Variants in BMP6 observed in about 807,000 individuals in gnomAD.
BMP6 encodes bone morphogenetic protein 6.
A neutral mutation model predicts 54.1 loss-of-function variants in BMP6; 17 were observed. That is an observed-to-expected ratio of 0.31 (90% CI 0.22 to 0.47). The LOEUF is 0.47. Ranked by LOEUF, BMP6 falls within the 20% of genes least tolerant of loss-of-function variation. The probability of loss-of-function intolerance (pLI) is 1.00; values close to 1 mark genes in which losing one functional copy is unlikely to be tolerated. For missense variants in BMP6, 720 were observed against 690.4 expected, an observed-to-expected ratio of 1.04 and a Z score of -0.48; for synonymous variants, 328 against 291.2, an observed-to-expected ratio of 1.13 and a Z score of -1.28.
chr6:7,785,477 G>C (rs1239844916), intron 1 of BMP6, among the ~76,000 whole-genome samples: 1 of 152,320 alleles, frequency 6.6e-6, no homozygotes, highest in East Asian at 1.9e-4. Flanking sequence ...TGTCAAGCCT[G>C]TCATTTTGAG....
intron 1 of BMP6, among the ~76,000 whole-genome samples, chr6:7,806,547 G>A (rs979458294): frequency 6.6e-6 from 1 of 151,646 alleles, no homozygotes; most frequent in Non-Finnish European, 1.5e-5. Context: ...TGGTTTCTCT[G>A]ATTCTAGGAA....
intron 1 of BMP6, among the ~76,000 whole-genome samples, chr6:7,775,521 T>C (rs1757850359): frequency 6.6e-6 from 1 of 152,226 alleles, no homozygotes; most frequent in African/African-American, 2.4e-5. Flanking sequence ...ACATCCCTGT[T>C]TATTGTAATG....
intron 1 of BMP6, among the ~76,000 whole-genome samples, chr6:7,745,973 AAAAG>A (rs1437736184): frequency 6.9e-6 from 1 of 145,376 alleles, no homozygotes; most frequent in East Asian, 2.2e-4. Flanking sequence ...TCTCAAGAAA[AAAAG>A]AGAGAGAGAG....
At chr6:7,787,191 A>T (rs796884413) in intron 1 of BMP6, among the ~76,000 whole-genome samples, 11 of 152,308 alleles carry the variant, frequency 7.2e-5, no homozygotes, top group African/African-American at 2.6e-4. Flanking sequence ...CTAAGTGTTG[A>T]TCGGCTCTTG....
chr6:7,811,720 C>T (rs970808542), intron 1 of BMP6, among the ~76,000 whole-genome samples: 4 of 152,154 alleles, frequency 2.6e-5, no homozygotes, highest in South Asian at 2.1e-4. Context: ...TCTTCATTGT[C>T]GCTCTAACAT....
intron 1 of BMP6, among the ~76,000 whole-genome samples, chr6:7,763,603 T>C (rs1581237143): frequency 6.6e-6 from 1 of 152,156 alleles, no homozygotes; most frequent in Non-Finnish European, 1.5e-5. Context: ...GGTTTGTGGG[T>C]GTTGACATTC....
intron 1 of BMP6, among the ~76,000 whole-genome samples, chr6:7,733,966 G>T (rs1761915568): frequency 7.3e-6 from 1 of 137,210 alleles, no homozygotes; most frequent in East Asian, 1.9e-4. Context: ...CATTCCCCCT[G>T]TTCACCTTTT....
intron 1 of BMP6, among the ~76,000 whole-genome samples, chr6:7,796,361 G>A (rs1377692751): frequency 2.0e-5 from 3 of 152,248 alleles, no homozygotes; most frequent in East Asian, 1.9e-4. Flanking sequence ...TGCCACCCTC[G>A]TGGCCAAGAT....
At chr6:7,777,831 T>C (rs1467917426) in intron 1 of BMP6, among the ~76,000 whole-genome samples, 1 of 151,944 alleles carries the variant, frequency 6.6e-6, no homozygotes, top group African/African-American at 2.4e-5. Flanking sequence ...GTTGCTGGCT[T>C]GGGCGGCAGT....
intron 1 of BMP6, among the ~76,000 whole-genome samples, chr6:7,742,635 G>A (rs956957530): frequency 5.3e-5 from 8 of 152,130 alleles, no homozygotes; most frequent in African/African-American, 1.7e-4. Context: ...TTCGTTGCCC[G>A]AAACAGATGT....
chr6:7,774,040 A>C (rs945857376), intron 1 of BMP6, among the ~76,000 whole-genome samples: 1 of 152,126 alleles, frequency 6.6e-6, no homozygotes, highest in African/African-American at 2.4e-5. Flanking sequence ...CTGCCGGAGG[A>C]GGTATAGTCC....
chr6:7,804,983 C>T lies in BMP6; in HGVS notation c.665-40157C>T, dbSNP rs138970722. On this transcript the variant is annotated intron_variant, in intron 1 of 6. Transcript: ENST00000283147. The stretch of plus-strand genomic sequence containing the variant: ...AACCTGATGCTTGTAAACTCCCTCT[C>T]AGGTCACACCAGAGGGACGAAATCA... 2.4e-3 allele frequency among the ~76,000 whole-genome samples: 364 copies of T among 152,282 alleles called. 2 individuals are homozygous for T. The highest frequency in any genetic ancestry group is 8.4e-3 in the African/African-American group (349 of 41,552).
At chr6:7,833,300 T>G (rs1198923753) in intron 1 of BMP6, among the ~76,000 whole-genome samples, 1 of 152,192 alleles carries the variant, frequency 6.6e-6, no homozygotes, top group Non-Finnish European at 1.5e-5. Context: ...TTATTTAAAT[T>G]TAAATAGCTC....
intron 1 of BMP6, among the ~76,000 whole-genome samples, chr6:7,757,773 C>A (rs1581234772): frequency 6.6e-6 from 1 of 152,216 alleles, no homozygotes; most frequent in Admixed American, 6.5e-5. Flanking sequence ...AGTGTTCTTT[C>A]ATAATTATAC....
chr6:7,749,415 A>G (rs1757390441), intron 1 of BMP6, among the ~76,000 whole-genome samples: 1 of 152,054 alleles, frequency 6.6e-6, no homozygotes, highest in Non-Finnish European at 1.5e-5. Flanking sequence ...CTTCATTCCT[A>G]TTTCCACATA....
chr6:7,779,333 T>A (rs527441177), intron 1 of BMP6, among the ~76,000 whole-genome samples: 1 of 152,200 alleles, frequency 6.6e-6, no homozygotes, highest in Admixed American at 6.5e-5. Flanking sequence ...CTTATTTATT[T>A]TTTTTTTTAA....
intron 1 of BMP6, among the ~76,000 whole-genome samples, chr6:7,842,971 G>A (rs534153898): frequency 6.6e-6 from 1 of 152,318 alleles, no homozygotes; most frequent in Non-Finnish European, 1.5e-5. Flanking sequence ...GAAAAGCTGT[G>A]TGACTGTTTT....
Position 7,818,400 on chromosome 6 carries a change from C to T in BMP6, c.665-26740C>T, listed in dbSNP as rs570118983. On this transcript the variant is annotated intron_variant, in intron 1 of 6. Coordinates refer to ENST00000283147, the MANE Select transcript of BMP6 (RefSeq NM_001718.6). The stretch of plus-strand genomic sequence containing the variant: ...AATCATGTTATTTAACTTACGGCCA[C>T]AACTTGTGGAATATTTCAGCACTTG... 1.4e-4 allele frequency among the ~76,000 whole-genome samples: 22 copies of T among 152,316 alleles called. 1 individual carries two copies. The South Asian group carries it at 4.4e-3, about 30-fold the overall frequency.
intron 1 of BMP6, among the ~76,000 whole-genome samples, chr6:7,770,669 A>C (rs1014776678): frequency 3.3e-5 from 5 of 152,210 alleles, no homozygotes; most frequent in African/African-American, 1.2e-4. Flanking sequence ...TTGATTCTGT[A>C]CATCACCTGG....
Sources: allele counts gnomAD v4.1 joint callset (sites outside exome capture counted in the v4.1 genomes callset), GRCh38; gene constraint gnomAD v4.1.1; transcripts MANE v1.5; gene names NCBI Gene and HGNC (gene_info 2026-07-23, HGNC 2026-07-21).